Variants in NBEA observed in about 807,000 individuals in gnomAD.
The protein encoded by NBEA is lysosomal-trafficking regulator 2.
Under a neutral mutation model 343.4 loss-of-function variants are expected in NBEA, and 44 were observed. That is an observed-to-expected ratio of 0.13 (90% CI 0.10 to 0.16). NBEA has a LOEUF of 0.16. NBEA is among the 10% of genes least tolerant of loss of function. The pLI is 1.00. For missense variants in NBEA, 2,555 were observed against 3,631.3 expected (o/e 0.70, Z 7.62); for synonymous variants, 1,175 against 1,238.7 (o/e 0.95, Z 1.08).
intron 54 of NBEA, 112 bp downstream of exon 54, chr13:35,655,122 T>C: frequency 1.3e-6 from 1 of 796,084 alleles, no homozygotes; most frequent in East Asian, 3.3e-5. Flanking sequence ...CCAACTTGAG[T>C]AGTCAAGATT....
chr13:35,161,673 TTACTA>T lies in NBEA; in HGVS notation c.3862-72_3862-68del, dbSNP rs536986741. On this transcript the variant is annotated intron_variant, in intron 22 of 58. Coordinates refer to ENST00000379939, the MANE Select transcript of NBEA (RefSeq NM_001385012.1). ...CTAAAGCATTAAAGCATTATTCACTTTACTATACTCACAGTTTCATTTTAAAATGA... is the reference window on the plus strand; with the variant it reads ...CTAAAGCATTAAAGCATTATTCACTTTACTCACAGTTTCATTTTAAAATGA... 7.7e-5 allele frequency: 92 copies of T among 1,187,198 alleles called. 1 individual carries two copies. In the Admixed American group the frequency reaches 1.4e-3, roughly 18 times the overall value. The allele number at this position is 1,187,198 out of a possible 1,614,324, so 73.5% of individuals were successfully genotyped here.
At chr13:35,493,317 G>A (rs1201188718) in intron 41 of NBEA, among the ~76,000 whole-genome samples, 1 of 151,902 alleles carries the variant, frequency 6.6e-6, no homozygotes, top group Non-Finnish European at 1.5e-5. Flanking sequence ...ACTTTTGAGA[G>A]ATTTGATAAG....
intron 11 of NBEA, among the ~76,000 whole-genome samples, chr13:35,106,211 G>T (rs529184752): frequency 2.1e-4 from 32 of 151,920 alleles, no homozygotes; most frequent in African/African-American, 7.0e-4. Context: ...CCATCTAAAG[G>T]TTACAGATTT....
chr13:34,962,768 A>G (rs1173350091), intron 1 of NBEA, among the ~76,000 whole-genome samples: 1 of 152,054 alleles, frequency 6.6e-6, no homozygotes. Flanking sequence ...GAAACCAGAA[A>G]TCAAGAAGGA....
intron 41 of NBEA, among the ~76,000 whole-genome samples, chr13:35,496,429 G>T (rs538949323): frequency 2.6e-5 from 4 of 151,930 alleles, no homozygotes; most frequent in South Asian, 2.1e-4. Flanking sequence ...GAGCCCAGGG[G>T]TTTGAGACCC....
At chr13:35,123,744 A>G (rs1472115071) in intron 17 of NBEA, among the ~76,000 whole-genome samples, 170 bp downstream of exon 17, 1 of 152,136 alleles carries the variant, frequency 6.6e-6, no homozygotes, top group Non-Finnish European at 1.5e-5. Context: ...TATTTTATTA[A>G]TAGTAGATTG....
chr13:35,092,835 A>T (rs2065155146), intron 10 of NBEA, among the ~76,000 whole-genome samples: 1 of 151,868 alleles, frequency 6.6e-6, no homozygotes, highest in African/African-American at 2.4e-5. Context: ...CAGCCTTTCT[A>T]CTCCTCGGCA....
At chr13:35,041,263 C>T in intron 2 of NBEA, 99 bp downstream of exon 2, 1 of 987,232 alleles carries the variant, frequency 1.0e-6, no homozygotes, top group Non-Finnish European at 1.5e-6. Flanking sequence ...GTTGACATTA[C>T]TTTGATTTAA....
chr13:35,112,798 C>G (rs527318007), intron 13 of NBEA, among the ~76,000 whole-genome samples: 2 of 151,702 alleles, frequency 1.3e-5, no homozygotes, highest in Admixed American at 6.6e-5. Flanking sequence ...CATTTTTTTT[C>G]TGATTCGATT....
intron 4 of NBEA, among the ~76,000 whole-genome samples, chr13:35,046,245 T>A (rs1170239591): frequency 2.0e-5 from 3 of 152,182 alleles, no homozygotes; most frequent in Non-Finnish European, 4.4e-5. Flanking sequence ...CTGTGAACAT[T>A]TGAGCACAGG....
intron 1 of NBEA, among the ~76,000 whole-genome samples, chr13:34,965,132 T>C (rs1338628103): frequency 6.6e-6 from 1 of 152,026 alleles, no homozygotes; most frequent in Non-Finnish European, 1.5e-5. Context: ...GAGAAGCAGA[T>C]TAGTTTAAAC....
chr13:35,593,578 C>A, intron 47 of NBEA, 131 bp downstream of exon 47: 2 of 552,184 alleles, frequency 3.6e-6, no homozygotes, highest in Non-Finnish European at 5.9e-6. Context: ...TATGGTACAT[C>A]TAACCTTATA....
rs545813425 is a variant in NBEA at position 35,379,749 on chromosome 13, T to C, written c.6179+27426T>C. Among the ~76,000 whole-genome samples the C allele has an allele frequency of 7.2e-5, 11 of 151,808 alleles. No individual in the cohort carries two copies. In the East Asian group the frequency reaches 2.1e-3, roughly 29 times the overall value. Reference sequence around the variant, plus strand: ...GCATGGATATTCAGTCAAAGTGTTATTTATTGAAAAGACCATACTTTTTCT... The same window carrying C: ...GCATGGATATTCAGTCAAAGTGTTACTTATTGAAAAGACCATACTTTTTCT... On this transcript the variant is annotated intron_variant, in intron 38 of 58. Transcript: ENST00000379939.
At chr13:34,964,736 C>A (rs563823672) in intron 1 of NBEA, among the ~76,000 whole-genome samples, 5 of 152,046 alleles carry the variant, frequency 3.3e-5, no homozygotes, top group African/African-American at 1.2e-4. Context: ...CCACAAGGAG[C>A]AGGGCTACAA....
chr13:35,092,570 C>G lies in NBEA; in HGVS notation c.1572-5727C>G, dbSNP rs185015557. ...GTGGACAAAAGAGTAGACACTTTAC[C>G]AAAGAGAATATAAGGATGTCAAAAT... On this transcript the variant is annotated intron_variant, in intron 10 of 58. Coordinates refer to ENST00000379939, the MANE Select transcript of NBEA (RefSeq NM_001385012.1). 3.3e-5 allele frequency among the ~76,000 whole-genome samples: 5 copies of G among 151,898 alleles called. No homozygotes were observed. In the East Asian group the frequency reaches 9.7e-4, roughly 29 times the overall value.
chr13:35,245,631 G>C (rs2031068045), intron 34 of NBEA, among the ~76,000 whole-genome samples: 1 of 152,148 alleles, frequency 6.6e-6, no homozygotes, highest in Admixed American at 6.5e-5. Flanking sequence ...CTTCTAGCTT[G>C]TAGGGTTTCT....
At chr13:35,127,115 C>T (rs2067175417) in intron 17 of NBEA, among the ~76,000 whole-genome samples, 1 of 151,934 alleles carries the variant, frequency 6.6e-6, no homozygotes, top group African/African-American at 2.4e-5. Context: ...CATCAAAGTG[C>T]ATTACTGGAC....
At chr13:35,420,424 G>A (rs1409093379) in intron 38 of NBEA, among the ~76,000 whole-genome samples, 1 of 151,832 alleles carries the variant, frequency 6.6e-6, no homozygotes, top group Non-Finnish European at 1.5e-5. Flanking sequence ...GCACTACATT[G>A]ATTCTTAAGG....
In NBEA at chr13:35,234,134, A is replaced by C. The variant is rs574094389; in HGVS notation, c.5776+1515A>C. ...AGGACAGTAGTCGAATATTAGGGCC[A>C]GAGAGGTAATGGGTTCTTTGGCTTT... is the stretch of plus-strand genomic sequence containing the variant. On this transcript the variant is annotated intron_variant, in intron 34 of 58. Coordinates refer to ENST00000379939, the MANE Select transcript of NBEA (RefSeq NM_001385012.1). 1.2e-4 allele frequency among the ~76,000 whole-genome samples: 19 copies of C among 152,260 alleles called. No individual in the cohort carries two copies. In the South Asian group the frequency reaches 3.7e-3, roughly 30 times the overall value.
Sources: allele counts gnomAD v4.1 joint callset (sites outside exome capture counted in the v4.1 genomes callset), GRCh38; gene constraint gnomAD v4.1.1; transcripts MANE v1.5; gene names NCBI Gene and HGNC (gene_info 2026-07-23, HGNC 2026-07-21).